ODAD2: variants seen among roughly 807,000 people sequenced by gnomAD.
ODAD2 encodes the protein outer dynein arm docking complex subunit 2, also known as outer dynein arm-docking complex subunit 2.
ODAD2 carries 89 observed loss-of-function variants against 106.8 expected under a neutral mutation model. That is an observed-to-expected ratio of 0.83 (90% confidence interval 0.70 to 0.99). The LOEUF (loss-of-function observed/expected upper bound fraction) is 0.99, where lower values mean the gene tolerates loss of function less well. ODAD2 is among the 50% of genes least tolerant of loss of function. The pLI is 0.00. For synonymous variants in ODAD2, 404 were observed against 436.2 expected (o/e 0.93, Z 0.92); for missense variants, 1,168 against 1,238.5 (o/e 0.94, Z 0.85).
intron 19 of ODAD2, among the ~76,000 whole-genome samples, chr10:27,831,379 T>C (rs1408200140): frequency 1.3e-5 from 2 of 152,148 alleles, no homozygotes; most frequent in Non-Finnish European, 2.9e-5. Flanking sequence ...CTAGAGAACC[T>C]TCAAGAAGGA....
chr10:27,939,137 G>A (rs1846205878), intron 14 of ODAD2, among the ~76,000 whole-genome samples: 1 of 151,700 alleles, frequency 6.6e-6, no homozygotes, highest in African/African-American at 2.4e-5. Flanking sequence ...GATAAAACAG[G>A]AACACACACA....
At chr10:27,954,616 G>C (rs1263392270) in intron 10 of ODAD2, among the ~76,000 whole-genome samples, 1 of 152,236 alleles carries the variant, frequency 6.6e-6, no homozygotes, top group African/African-American at 2.4e-5. Flanking sequence ...GTGCTAGCTA[G>C]TGGTCGCATA....
intron 7 of ODAD2, among the ~76,000 whole-genome samples, chr10:27,978,537 A>T (rs1849334604): frequency 1.3e-5 from 2 of 152,158 alleles, no homozygotes; most frequent in African/African-American, 4.8e-5. Context: ...TCACACCTGT[A>T]ATCCCAGCAC....
At chr10:27,894,931 G>A (rs928705992) in intron 17 of ODAD2, among the ~76,000 whole-genome samples, 1 of 149,476 alleles carries the variant, frequency 6.7e-6, no homozygotes, top group Admixed American at 6.8e-5. Context: ...TTATGTAAAT[G>A]AATTATGATA....
At chr10:27,875,757 C>A (rs928272410) in intron 17 of ODAD2, among the ~76,000 whole-genome samples, 1 of 152,144 alleles carries the variant, frequency 6.6e-6, no homozygotes, top group Non-Finnish European at 1.5e-5. Flanking sequence ...CATTGCCTCA[C>A]CCAGGAAGCA....
intron 19 of ODAD2, among the ~76,000 whole-genome samples, chr10:27,816,653 G>A (rs1836156559): frequency 6.6e-6 from 1 of 152,170 alleles, no homozygotes; most frequent in African/African-American, 2.4e-5. Context: ...GAGATATTTG[G>A]AGTTTAAGAT....
intron 19 of ODAD2, among the ~76,000 whole-genome samples, chr10:27,838,066 G>GA (rs993015254): frequency 6.0e-5 from 9 of 151,110 alleles, no homozygotes; most frequent in South Asian, 4.2e-4. Flanking sequence ...TGAAGAAACT[G>GA]AAAAAAAAGG....
At chr10:27,858,087 G>A (rs527863561) in intron 19 of ODAD2, among the ~76,000 whole-genome samples, 5 of 152,134 alleles carry the variant, frequency 3.3e-5, no homozygotes, top group African/African-American at 4.8e-5. Context: ...TACCTGGCTC[G>A]TGAAATCTTC....
intron 17 of ODAD2, among the ~76,000 whole-genome samples, chr10:27,885,134 A>G (rs1374685074): frequency 6.6e-6 from 1 of 152,134 alleles, no homozygotes; most frequent in Non-Finnish European, 1.5e-5. Context: ...TCTTAAGTAT[A>G]TTGAAGGAAC....
chr10:27,944,228 G>C lies in ODAD2; in HGVS notation c.1737C>G (p.Thr579=). 6.2e-7 allele frequency: 1 copy of C among 1,611,624 alleles called. No individual in the cohort carries two copies. The highest frequency in any genetic ancestry group is 8.5e-7 in the Non-Finnish European group (1 of 1,179,470). ...RRVVRQHGGI[T]KLVALLDCAH... ...CAACATCACGGCTACTCACCAGTTTGGTGATACCCCCGTGCTGCCTCACCA... is the reference window on the plus strand; with the variant it reads ...CAACATCACGGCTACTCACCAGTTTCGTGATACCCCCGTGCTGCCTCACCA... The change falls in exon 12 of 20, where the codon ACC becomes ACG. Residue 579 remains threonine (T), a synonymous_variant. Coordinates refer to ENST00000305242, the MANE Select transcript of ODAD2 (RefSeq NM_018076.5).
chr10:27,938,350 G>A (rs1846141599), intron 14 of ODAD2, among the ~76,000 whole-genome samples: 1 of 152,174 alleles, frequency 6.6e-6, no homozygotes, highest in Admixed American at 6.5e-5. Flanking sequence ...TCCAAGGGGA[G>A]AAAATGACAC....
At chr10:27,964,443 T>C (rs933508564) in intron 9 of ODAD2, among the ~76,000 whole-genome samples, 6 of 152,094 alleles carry the variant, frequency 3.9e-5, no homozygotes, top group Non-Finnish European at 7.4e-5. Flanking sequence ...GAGTGTGAAA[T>C]ATGTGTTTTA....
chr10:27,907,675 G>T lies in ODAD2; in HGVS notation c.2598C>A (p.Ile866=), dbSNP rs767959794. 2.1e-5 allele frequency: 34 copies of T among 1,612,710 alleles called. No individual in the cohort carries two copies. The highest frequency in any genetic ancestry group is 1.6e-4 in the Middle Eastern group (1 of 6,068). ...AGTCCGTTCTTACCTTTGCATTTTT[G>T]ATGCATGGACAGAGTGCCCATGCTG... is the stretch of plus-strand genomic sequence containing the variant. The part of the protein sequence containing the change: ...ASAAWALCPC[I]KNAKDAGEMV... Residue 866 remains isoleucine, a synonymous_variant, in exon 17 of 20, where the codon ATC becomes ATA. Transcript: ENST00000305242.
At chr10:27,894,056 G>T (rs780488418) in intron 17 of ODAD2, among the ~76,000 whole-genome samples, 3 of 152,168 alleles carry the variant, frequency 2.0e-5, no homozygotes, top group Non-Finnish European at 4.4e-5. Flanking sequence ...GAGGCAGCAG[G>T]ATTGCTTGAG....
intron 16 of ODAD2, among the ~76,000 whole-genome samples, chr10:27,917,408 T>C (rs528856472): frequency 6.6e-6 from 1 of 152,240 alleles, no homozygotes; most frequent in Non-Finnish European, 1.5e-5. Context: ...TAAAAAATTA[T>C]ATAAGACAAG....
rs752595437 is a variant in ODAD2 at position 27,940,734 on chromosome 10, C to T, written c.1815G>A (p.Val605=). ...AQSSLYEARD[V]EVARCGALAL... The stretch of plus-strand genomic sequence containing the variant: ...CCAGTGCCCCACAGCGAGCCACTTC[C>T]ACGTCTCTGGCCTCATACAGACTCG... The change falls in exon 13 of 20, where the codon GTG becomes GTA. Residue 605 remains valine, a synonymous_variant. Coordinates refer to ENST00000305242, the MANE Select transcript of ODAD2 (RefSeq NM_018076.5). 1.1e-5 allele frequency: 18 copies of T among 1,614,004 alleles called. No homozygotes were observed. In the South Asian group the frequency reaches 1.9e-4, roughly 17 times the overall value.
intron 17 of ODAD2, among the ~76,000 whole-genome samples, chr10:27,879,651 G>A (rs1343928258): frequency 2.0e-5 from 3 of 151,894 alleles, no homozygotes; most frequent in Admixed American, 6.6e-5. Context: ...CCAAAAACAG[G>A]GAGTCTTCAA....
chr10:27,885,060 A>G (rs1018593796), intron 17 of ODAD2, among the ~76,000 whole-genome samples: 1 of 152,168 alleles, frequency 6.6e-6, no homozygotes, highest in South Asian at 2.1e-4. Context: ...TAAGGGAACA[A>G]ATCTCCCAAA....
At chr10:27,908,883 T>TA (rs1843785627) in intron 16 of ODAD2, among the ~76,000 whole-genome samples, 2 of 152,230 alleles carry the variant, frequency 1.3e-5, no homozygotes, top group South Asian at 4.1e-4. Flanking sequence ...GATAGTAAGA[T>TA]AAAAACTGTC....
Sources: gnomAD v4.1 joint callset for allele counts (sites outside exome capture counted in the v4.1 genomes callset) on GRCh38, gnomAD v4.1.1 for gene constraint, MANE v1.5 for transcripts, NCBI Gene and HGNC (gene_info 2026-07-23, HGNC 2026-07-21) for gene names.